CTNNA2: variants seen among roughly 807,000 people sequenced by gnomAD.
CTNNA2 encodes catenin alpha-2.
In CTNNA2, 42 loss-of-function variants were observed where a neutral mutation model predicts 101.0. The observed-to-expected ratio is 0.42, with a 90% CI of 0.32 to 0.54. The LOEUF (loss-of-function observed/expected upper bound fraction) is 0.54. Among genes scored for constraint, CTNNA2 ranks in the 20% least tolerant of loss-of-function variants. The pLI is 0.14. For synonymous variants in CTNNA2, 450 were observed against 456.4 expected, an observed-to-expected ratio of 0.99 and a Z score of 0.18; for missense variants, 871 against 1,223.1, an observed-to-expected ratio of 0.71 and a Z score of 4.29.
At chr2:80,631,558 C>T (rs555475335) in intron 18 of CTNNA2, among the ~76,000 whole-genome samples, 2 of 151,948 alleles carry the variant, frequency 1.3e-5, no homozygotes, top group Non-Finnish European at 2.9e-5. Context: ...TGAAGGGAAC[C>T]CTTTGGCGCT....
intron 9 of CTNNA2, among the ~76,000 whole-genome samples, chr2:80,538,031 T>C (rs575784003): frequency 6.6e-6 from 1 of 152,368 alleles, no homozygotes; most frequent in South Asian, 2.1e-4. Context: ...ATGTCATCTT[T>C]TGAGAAGTCT....
chr2:80,031,230 C>A (rs1471020705), intron 7 of CTNNA2, among the ~76,000 whole-genome samples: 1 of 152,066 alleles, frequency 6.6e-6, no homozygotes, highest in African/African-American at 2.4e-5. Context: ...AAAAGTAGAA[C>A]CTCAAAAAGT....
chr2:80,365,575 A>G (rs1008985013), intron 7 of CTNNA2, among the ~76,000 whole-genome samples: 4 of 134,000 alleles, frequency 3.0e-5, no homozygotes, highest in East Asian at 2.4e-4. Flanking sequence ...TTTTTGGAAA[A>G]AAAAAAAAAA....
At chr2:80,391,503 T>A (rs1677514504) in intron 7 of CTNNA2, among the ~76,000 whole-genome samples, 1 of 152,234 alleles carries the variant, frequency 6.6e-6, no homozygotes, top group Admixed American at 6.5e-5. Flanking sequence ...TAAGTTTTTT[T>A]ATTCTAATAA....
At chr2:80,132,355 G>A (rs1283278033) in intron 7 of CTNNA2, among the ~76,000 whole-genome samples, 2 of 152,068 alleles carry the variant, frequency 1.3e-5, no homozygotes, top group Non-Finnish European at 2.9e-5. Flanking sequence ...GTCTCCATCT[G>A]TTTCAAAGTT....
At chr2:80,304,645 A>C (rs2149213318) in intron 7 of CTNNA2, 1 of 152,356 alleles carries the variant, frequency 6.6e-6, no homozygotes, top group Non-Finnish European at 1.5e-5. Flanking sequence ...GGCGGTGGGG[A>C]GGTGCGGACG....
rs144784294 is a variant in CTNNA2 at position 79,390,842 on chromosome 2, C to T, written c.-135+16829C>T. On this transcript the variant is annotated intron_variant, in intron 4 of 21. Transcript: ENST00000466387. ...GAGTGAAACCATGATCTTATTCTAC[C>T]TCTGTGCTCTCCAAAAAGACTGGTG... Among the ~76,000 whole-genome samples the T allele has an allele frequency of 3.9e-4, 59 of 152,244 alleles. 1 individual carries two copies. Among genetic ancestry groups the T allele is most frequent in the African/African-American group, 1.4e-3 (58 of 41,542 alleles).
chr2:80,042,282 G>A (rs1696115806), intron 7 of CTNNA2, among the ~76,000 whole-genome samples: 1 of 151,988 alleles, frequency 6.6e-6, no homozygotes, highest in African/African-American at 2.4e-5. Flanking sequence ...TTTTTGTTTT[G>A]TTTTGTTCTG....
intron 17 of CTNNA2, among the ~76,000 whole-genome samples, chr2:80,618,114 A>T (rs976529006): frequency 3.3e-5 from 5 of 151,858 alleles, no homozygotes; most frequent in Non-Finnish European, 5.9e-5. Context: ...TCATTGAAAA[A>T]AAATACTTTA....
intron 11 of CTNNA2, among the ~76,000 whole-genome samples, chr2:80,549,597 C>T (rs1310940711): frequency 1.3e-5 from 2 of 152,124 alleles, no homozygotes; most frequent in South Asian, 2.1e-4. Context: ...GCCACCCAAA[C>T]ATTGCAGTTT....
chr2:79,287,570 G>A (rs573561740), intron 2 of CTNNA2, among the ~76,000 whole-genome samples: 21 of 148,932 alleles, frequency 1.4e-4, no homozygotes, highest in East Asian at 1.2e-3. Flanking sequence ...GCTGCTCAGG[G>A]GTCAGGGACC....
At chr2:79,658,710 A>C (rs1465094233) in intron 2 of CTNNA2, among the ~76,000 whole-genome samples, 1 of 151,968 alleles carries the variant, frequency 6.6e-6, no homozygotes, top group African/African-American at 2.4e-5. Flanking sequence ...TGAACCTGAA[A>C]CTTAATAAAT....
intron 7 of CTNNA2, among the ~76,000 whole-genome samples, chr2:80,237,440 T>C (rs1416339323): frequency 6.6e-6 from 1 of 152,184 alleles, no homozygotes; most frequent in African/African-American, 2.4e-5. Flanking sequence ...TGTGTCTCAT[T>C]GTAAGTTGAG....
chr2:80,400,608 C>T (rs2149378643), intron 8 of CTNNA2, among the ~76,000 whole-genome samples: 1 of 149,882 alleles, frequency 6.7e-6, no homozygotes, highest in East Asian at 2.0e-4. Flanking sequence ...AAAACCAAAC[C>T]TTCACCCCAC....
intron 3 of CTNNA2, among the ~76,000 whole-genome samples, chr2:79,765,851 G>A (rs1470517361): frequency 6.6e-6 from 1 of 152,106 alleles, no homozygotes; most frequent in African/African-American, 2.4e-5. Flanking sequence ...TGTTACTTGC[G>A]TACTCCCTCA....
intron 3 of CTNNA2, among the ~76,000 whole-genome samples, chr2:79,757,799 T>G (rs940485141): frequency 1.3e-5 from 2 of 152,320 alleles, no homozygotes; most frequent in African/African-American, 4.8e-5. Context: ...ATTTACTCAC[T>G]CTGTGCCAGT....
intron 3 of CTNNA2, among the ~76,000 whole-genome samples, chr2:79,779,833 C>T (rs1190661013): frequency 6.6e-6 from 1 of 152,072 alleles, no homozygotes; most frequent in Non-Finnish European, 1.5e-5. Context: ...TCTGAATGGA[C>T]CCCTCTTCCT....
rs147199322 is a variant in CTNNA2, at chr2:80,584,897, A to G, written c.2007+3078A>G. On this transcript the variant is annotated intron_variant, in intron 14 of 18. Coordinates refer to ENST00000402739, the MANE Select transcript of CTNNA2 (RefSeq NM_001282597.3). ...CCTAAAAGAGTTGGATCATTCAGGC[A>G]ATCATGAGAGTTTTTACTTGAGTTA... Among the ~76,000 whole-genome samples, 456 of 152,264 alleles carry G rather than the reference A, an allele frequency of 3.0e-3. 5 individuals are homozygous for G. Among genetic ancestry groups the G allele is most frequent in the African/African-American group, 0.01 (433 of 41,560 alleles).
intron 2 of CTNNA2, among the ~76,000 whole-genome samples, chr2:79,715,995 A>G (rs1239829679): frequency 1.3e-5 from 2 of 152,084 alleles, no homozygotes; most frequent in Non-Finnish European, 2.9e-5. Flanking sequence ...ATTGAATTTT[A>G]TATACAGCCA....
Sources: allele counts gnomAD v4.1 joint callset (sites outside exome capture counted in the v4.1 genomes callset), GRCh38; gene constraint gnomAD v4.1.1; transcripts MANE v1.5; gene names NCBI Gene and HGNC (gene_info 2026-07-23, HGNC 2026-07-21).